The following PCTP variants were observed in gnomAD, a reference collection of about 807,000 sequenced individuals.
PCTP encodes START domain-containing protein 2.
In PCTP, 27 loss-of-function variants were observed where a neutral mutation model predicts 31.0. The observed-to-expected ratio is 0.87, with a 90% CI of 0.64 to 1.20. The LOEUF is 1.20. PCTP is among the 50% of genes most tolerant of loss of function. The pLI is 0.00. For missense variants in PCTP, 287 were observed against 268.2 expected, an observed-to-expected ratio of 1.07 and a Z score of -0.49; for synonymous variants, 108 against 101.2, an observed-to-expected ratio of 1.07 and a Z score of -0.40.
chr17:55,850,934 G>C, the PCTP span, among the ~76,000 whole-genome samples: 7 of 152,164 alleles, frequency 4.6e-5, no homozygotes, highest in African/African-American at 1.7e-4. Flanking sequence ...GAAGCAGAGG[G>C]TTGTTGCTTT....
intron 1 of PCTP, chr17:55,751,557 G>T: frequency 7.4e-7 from 1 of 1,352,362 alleles, no homozygotes. Flanking sequence ...CCGTGCACAC[G>T]TCTGCAAGGG....
intron 3 of PCTP, among the ~76,000 whole-genome samples, chr17:55,791,775 A>G (rs1242627866): frequency 6.6e-6 from 1 of 152,148 alleles, no homozygotes; most frequent in Non-Finnish European, 1.5e-5. Flanking sequence ...AGAACTAGAA[A>G]TACCATTTGA....
chr17:55,773,126 G>A (rs1021717313), intron 3 of PCTP, among the ~76,000 whole-genome samples: 1 of 152,240 alleles, frequency 6.6e-6, no homozygotes, highest in Non-Finnish European at 1.5e-5. Flanking sequence ...TTAGCCCAGA[G>A]AGGACATCTG....
intron 3 of PCTP, among the ~76,000 whole-genome samples, chr17:55,789,564 T>C (rs1389017001): frequency 6.6e-6 from 1 of 152,222 alleles, no homozygotes; most frequent in Non-Finnish European, 1.5e-5. Flanking sequence ...GAAAATCCTG[T>C]GCATCCTTTG....
chr17:55,819,759 A>G (rs1043626375), intron 3 of PCTP, among the ~76,000 whole-genome samples: 4 of 152,182 alleles, frequency 2.6e-5, no homozygotes, highest in African/African-American at 7.2e-5. Flanking sequence ...ATAGCTTACT[A>G]CAAATAACTT....
intron 3 of PCTP, among the ~76,000 whole-genome samples, chr17:55,813,809 G>A (rs1222781093): frequency 1.3e-5 from 2 of 152,288 alleles, no homozygotes; most frequent in East Asian, 3.9e-4. Flanking sequence ...TTGGGAGGCT[G>A]AGGCCAGAGG....
At chr17:55,843,665 C>T (rs541531374), downstream of PCTP, among the ~76,000 whole-genome samples, 258 of 152,286 alleles carry the variant, frequency 1.7e-3, 1 homozygote, top group African/African-American at 5.8e-3. Flanking sequence ...GCAAACCTCT[C>T]GCATGACTCT....
chr17:55,777,303 A>C lies in PCTP; in HGVS notation c.*1203A>C. ...AGAATGGGATTTATTAATGTGGGAT[A>C]CCTCAGACTGTTTGTTTTCTTTCTG... On this transcript the variant is annotated 3_prime_UTR_variant, in exon 6 of 6. Transcript: ENST00000268896. The C allele has an allele frequency of 1.0e-6, 1 of 984,484 alleles. No individual in the cohort carries two copies. The highest frequency in any genetic ancestry group is 4.7e-5 in the South Asian group (1 of 21,244). 61.0% of individuals were successfully genotyped at this position (984,484 alleles called of 1,614,324 possible). A position where few individuals can be genotyped will look rare whatever the true frequency, so the allele number is the denominator to read the frequency against.
intron 3 of PCTP, among the ~76,000 whole-genome samples, chr17:55,796,575 A>G (rs9909947): frequency 0.21 from 31,812 of 151,958 alleles, 3,875 homozygotes; most frequent in African/African-American, 0.34. Context: ...CCATCCCTGG[A>G]TTAGCAGGAC....
At chr17:55,782,051 C>A (rs1911583860), downstream of PCTP, among the ~76,000 whole-genome samples, 1 of 152,100 alleles carries the variant, frequency 6.6e-6, no homozygotes, top group South Asian at 2.1e-4. Context: ...AGTTCCAGTC[C>A]AAAAGCTGGC....
At chr17:55,792,612 T>A (rs142117861) in intron 3 of PCTP, among the ~76,000 whole-genome samples, 1 of 152,238 alleles carries the variant, frequency 6.6e-6, no homozygotes, top group African/African-American at 2.4e-5. Flanking sequence ...TTAGAGATAA[T>A]TCGTGGATAC....
intron 3 of PCTP, among the ~76,000 whole-genome samples, chr17:55,805,439 T>A (rs970436533): frequency 2.0e-5 from 3 of 152,122 alleles, no homozygotes; most frequent in Non-Finnish European, 2.9e-5. Flanking sequence ...TACTTCCCAC[T>A]TATAAGTGAG....
At chr17:55,829,689 AACACACACACACACACACAC>A (rs3083340) in intron 5 of PCTP, among the ~76,000 whole-genome samples, 1 of 146,128 alleles carries the variant, frequency 6.8e-6, no homozygotes, top group African/African-American at 2.5e-5. Flanking sequence ...TAATAATTTA[AACACACACACACACACACAC>A]ACACACACAC....
chr17:55,767,791 T>C (rs1348616349), intron 2 of PCTP, among the ~76,000 whole-genome samples: 6 of 140,356 alleles, frequency 4.3e-5, no homozygotes, highest in Non-Finnish European at 9.2e-5. Context: ...TTTTTGATCA[T>C]TAAAAAGTAG....
At chr17:55,753,229 A>G (rs1382641087) in intron 1 of PCTP, among the ~76,000 whole-genome samples, 2 of 152,184 alleles carry the variant, frequency 1.3e-5, no homozygotes, top group Non-Finnish European at 2.9e-5. Context: ...TTAGAATTGC[A>G]GTGACCTCTT....
chr17:55,768,936 C>A (rs1014524980), intron 2 of PCTP: 1 of 152,156 alleles, frequency 6.6e-6, no homozygotes, highest in East Asian at 1.9e-4. Context: ...TAACAGAAAG[C>A]CAACTAAAGA....
At chr17:55,793,974 A>G (rs1047058078) in intron 3 of PCTP, among the ~76,000 whole-genome samples, 2 of 152,226 alleles carry the variant, frequency 1.3e-5, no homozygotes, top group East Asian at 3.9e-4. Context: ...TATTGCAACA[A>G]TATGCAATGA....
intron 1 of PCTP, among the ~76,000 whole-genome samples, chr17:55,755,997 G>C (rs1326210245): frequency 6.6e-6 from 1 of 152,168 alleles, no homozygotes. Flanking sequence ...TTCTGTTTCC[G>C]GAGGCTAAAG....
At chr17:55,764,693 C>T (rs1254932256) in intron 1 of PCTP, among the ~76,000 whole-genome samples, 1 of 152,124 alleles carries the variant, frequency 6.6e-6, no homozygotes, top group Non-Finnish European at 1.5e-5. Context: ...GCTAGAAGAC[C>T]CTTAAAGCTT....
Sources: allele counts gnomAD v4.1 joint callset (sites outside exome capture counted in the v4.1 genomes callset), GRCh38; gene constraint gnomAD v4.1.1; transcripts MANE v1.5; gene names NCBI Gene and HGNC (gene_info 2026-07-23, HGNC 2026-07-21).